The following MOV10L1 variants were observed in gnomAD, a reference collection of about 807,000 sequenced individuals.
The protein encoded by MOV10L1 is Mov10 like RNA helicase 1.
In MOV10L1, 110 loss-of-function variants were observed where a neutral mutation model predicts 143.8. That is an observed-to-expected ratio of 0.76 (90% CI 0.66 to 0.90). MOV10L1 has a LOEUF of 0.90. Ranked by LOEUF, MOV10L1 falls within the 40% of genes least tolerant of loss-of-function variation. The probability of loss-of-function intolerance (pLI) is 0.00; values close to 1 mark genes in which losing one functional copy is unlikely to be tolerated. For synonymous variants in MOV10L1, 593 were observed against 581.1 expected (o/e 1.02, Z -0.29); for missense variants, 1,406 against 1,526.8 (o/e 0.92, Z 1.32).
chr22:50,104,361 G>A (rs545050373), intron 3 of MOV10L1, among the ~76,000 whole-genome samples: 2 of 152,334 alleles, frequency 1.3e-5, no homozygotes, highest in South Asian at 2.1e-4. Flanking sequence ...CTTGGTGCTT[G>A]TGGAAAGCAC....
chr22:50,161,400 C>A lies in MOV10L1; in HGVS notation c.3587C>A (p.Pro1196Gln). 1 of 1,601,626 alleles carries A rather than the reference C, an allele frequency of 6.2e-7. No individual in the cohort carries two copies. The highest frequency in any genetic ancestry group is 2.3e-5 in the East Asian group (1 of 44,348). ...CGEGVADPSY[P>Q]VVPESTGPEK... is the part of the protein sequence containing the mutation. ...GAGGGGGTGGCAGACCCCTCCTACC[C>A]AGTGGTGCCAGAATCCACAGGACCA... Residue 1196 changes from proline (P) to glutamine (Q), a missense_variant, in exon 27 of 27, where the codon CCA (proline) becomes CAA (glutamine). Around this residue, in one of 3 missense-constraint regions of MOV10L1, gnomAD observed 1,233 missense variants for 1,351.4 expected, o/e 0.91. Coordinates refer to ENST00000262794, the MANE Select transcript of MOV10L1 (RefSeq NM_018995.3).
intron 1 of MOV10L1, 28 bp downstream of exon 1, chr22:50,090,213 G>A (rs1406373446): frequency 1.1e-5 from 16 of 1,409,520 alleles, no homozygotes; most frequent in Non-Finnish European, 1.3e-5. Flanking sequence ...GCTGGGAGGC[G>A]GGTCCCGGGC....
chr22:50,111,534 C>T (rs889104579), intron 5 of MOV10L1, among the ~76,000 whole-genome samples: 10 of 120,094 alleles, frequency 8.3e-5, no homozygotes, highest in South Asian at 2.8e-4. Context: ...GATGGAGTCT[C>T]GCTCCGTCAC....
chr22:50,101,734 A>G (rs1456399749), intron 3 of MOV10L1, among the ~76,000 whole-genome samples: 1 of 151,040 alleles, frequency 6.6e-6, no homozygotes, highest in Non-Finnish European at 1.5e-5. Flanking sequence ...CTGGTCTCGA[A>G]CTCTTGACCT....
At chr22:50,123,605 C>G (rs2062414137) in intron 10 of MOV10L1, among the ~76,000 whole-genome samples, 1 of 152,176 alleles carries the variant, frequency 6.6e-6, no homozygotes, top group South Asian at 2.1e-4. Flanking sequence ...TCATATTGGT[C>G]TGTAGTTTTC....
intron 2 of MOV10L1, chr22:50,096,098 G>A (rs896864553): frequency 6.6e-6 from 1 of 152,186 alleles, no homozygotes; most frequent in South Asian, 2.1e-4. Context: ...GTACGGTTCA[G>A]TGGCATTAAG....
chr22:50,140,551 G>A (rs1256216993), intron 15 of MOV10L1, among the ~76,000 whole-genome samples: 1 of 152,024 alleles, frequency 6.6e-6, no homozygotes, highest in Admixed American at 6.6e-5. Flanking sequence ...AATGATAGCT[G>A]ATGAGCTGAA....
Position 50,140,898 on chromosome 22 carries a change from T to C in MOV10L1, c.2071-1183T>C, listed in dbSNP as rs1432391136. On this transcript the variant is annotated intron_variant, in intron 15 of 26. Transcript: ENST00000262794. ...CCACTACCCCTGGCCCCAGAACTTTTGATTTTATAGATTCCAGAATCTATC... is the reference window on the plus strand; with the variant it reads ...CCACTACCCCTGGCCCCAGAACTTTCGATTTTATAGATTCCAGAATCTATC... 2.0e-5 allele frequency among the ~76,000 whole-genome samples: 3 copies of C among 152,124 alleles called. No individual in the cohort carries two copies. The East Asian group carries it at 5.8e-4, about 29-fold the overall frequency.
intron 12 of MOV10L1, 43 bp from the exon 13 acceptor site, chr22:50,128,373 C>A: frequency 1.8e-6 from 2 of 1,108,246 alleles, no homozygotes; most frequent in Non-Finnish European, 1.3e-6. Context: ...AAAGATATCA[C>A]ATTATTTCAA....
chr22:50,140,840 A>G (rs2062964106), intron 15 of MOV10L1, among the ~76,000 whole-genome samples: 1 of 151,952 alleles, frequency 6.6e-6, no homozygotes, highest in African/African-American at 2.4e-5. Context: ...CTTCCACCTC[A>G]GCCTCCTGAA....
Position 50,108,715 on chromosome 22 carries a change from C to T in MOV10L1, c.614C>T (p.Thr205Ile), listed in dbSNP as rs1602165065. ...GTGTTAGAGGAAAGCATCTTCTTTA[C>T]CTTGGACTCCTTGAAACTGCCAGAT... ...NGVLEESIFF[T>I]LDSLKLPDGY... is the part of the protein sequence containing the mutation. Residue 205 changes from threonine to isoleucine, a missense_variant, in exon 5 of 27, where the codon ACC becomes ATC. Around this residue, in one of 3 missense-constraint regions of MOV10L1, gnomAD observed 1,233 missense variants for 1,351.4 expected, o/e 0.91. Coordinates refer to ENST00000262794, the MANE Select transcript of MOV10L1 (RefSeq NM_018995.3). 1 of 1,614,202 alleles carries T rather than the reference C, an allele frequency of 6.2e-7. No homozygotes were observed. Among genetic ancestry groups the T allele is most frequent in the Non-Finnish European group, 8.5e-7 (1 of 1,180,040 alleles).
intron 8 of MOV10L1, among the ~76,000 whole-genome samples, chr22:50,116,660 CTTTTT>C (rs397867977): frequency 4.8e-5 from 5 of 104,100 alleles, no homozygotes; most frequent in African/African-American, 7.1e-5. Flanking sequence ...TAGATGCTTA[CTTTTT>C]TTTTTTTTTT....
Position 50,161,367 on chromosome 22 carries a change from G to C in MOV10L1, c.3555-1G>C. 4 of 1,591,500 alleles carry C rather than the reference G, an allele frequency of 2.5e-6. No individual in the cohort carries two copies. The highest frequency in any genetic ancestry group is 3.4e-6 in the Non-Finnish European group (4 of 1,169,018). On this transcript the variant is annotated splice_acceptor_variant, in intron 26 of 26. Coordinates refer to ENST00000262794, the MANE Select transcript of MOV10L1 (RefSeq NM_018995.3). LOFTEE classifies it high-confidence loss of function. ...GCCATCCGCTTCTCCTCTGTCTACA[G>C]CTGTGGCGAGGGGGTGGCAGACCCC...
rs144403688 is a variant in MOV10L1, at chr22:50,114,478, A to C, written c.982A>C (p.Met328Leu). The change falls in exon 7 of 27, where the codon ATG becomes CTG. Residue 328 changes from methionine (M) to leucine (L), a missense_variant. This residue lies in a region of MOV10L1 where 1,233 missense variants were observed against 1,351.4 expected (regional missense o/e 0.91). Coordinates refer to ENST00000262794, the MANE Select transcript of MOV10L1 (RefSeq NM_018995.3). Reference protein sequence around the residue: ...FRFQMLDKDQMCPVVSFVSVP... With the variant: ...FRFQMLDKDQLCPVVSFVSVP... ...ATTCCAAATGCTGGATAAAGACCAGATGTGCCCCGTGGTATCTTTTGTTTC... is the reference window on the plus strand; with the variant it reads ...ATTCCAAATGCTGGATAAAGACCAGCTGTGCCCCGTGGTATCTTTTGTTTC... The C allele has an allele frequency of 6.2e-7, 1 of 1,614,238 alleles. No individual in the cohort carries two copies. Among genetic ancestry groups the C allele is most frequent in the Non-Finnish European group, 8.5e-7 (1 of 1,180,050 alleles).
At chr22:50,107,342 G>A (rs971184119) in intron 3 of MOV10L1, among the ~76,000 whole-genome samples, 4 of 152,186 alleles carry the variant, frequency 2.6e-5, no homozygotes, top group Non-Finnish European at 5.9e-5. Flanking sequence ...GATTACAGGC[G>A]TGAGCCACCG....
In MOV10L1 at chr22:50,147,230, C is replaced by CA. The variant is rs1569039512; in HGVS notation, c.2627+1420_2627+1421insA. On this transcript the variant is annotated intron_variant, in intron 19 of 26. Transcript: ENST00000262794. ...CAGAAGCAGGGAGGGTGCTGCAGGCCGCTCTCTCAGAGGCGCTCTGTGCAG... is the reference window on the plus strand; with the variant it reads ...CAGAAGCAGGGAGGGTGCTGCAGGCCAGCTCTCTCAGAGGCGCTCTGTGCAG... 1.5e-5 allele frequency: 11 copies of CA among 734,648 alleles called. No homozygotes were observed. The African/African-American group carries it at 1.7e-4, about 11-fold the overall frequency. 45.5% of individuals were successfully genotyped at this position (734,648 alleles called of 1,614,324 possible).
chr22:50,118,794 C>T (rs1479616126), intron 9 of MOV10L1, among the ~76,000 whole-genome samples: 1 of 152,156 alleles, frequency 6.6e-6, no homozygotes, highest in East Asian at 1.9e-4. Flanking sequence ...GCACAAACTC[C>T]AGTTGTCCAT....
intron 9 of MOV10L1, among the ~76,000 whole-genome samples, chr22:50,117,769 T>C (rs1406243018): frequency 6.6e-6 from 1 of 152,146 alleles, no homozygotes; most frequent in African/African-American, 2.4e-5. Flanking sequence ...ACCTGAAGCC[T>C]GTTTGAAGAT....
intron 13 of MOV10L1, among the ~76,000 whole-genome samples, chr22:50,128,845 CTT>C (rs71751232): frequency 7.1e-6 from 1 of 141,600 alleles, no homozygotes; most frequent in African/African-American, 2.6e-5. Context: ...GCCCGGCCAT[CTT>C]TTTTTTTTTT....
Sources: gnomAD v4.1 joint callset for allele counts (sites outside exome capture counted in the v4.1 genomes callset) on GRCh38, gnomAD v4.1.1 for gene constraint, gnomAD v4.1.1 regional missense constraint, MANE v1.5 for transcripts, NCBI Gene and HGNC (gene_info 2026-07-23, HGNC 2026-07-21) for gene names.